CNTNAP2: variants seen among roughly 807,000 people sequenced by gnomAD.
CNTNAP2 encodes the protein contactin-associated protein-like 2.
Under a neutral mutation model 155.2 loss-of-function variants are expected in CNTNAP2, and 98 were observed. That is an observed-to-expected ratio of 0.63 (90% confidence interval 0.54 to 0.75). The LOEUF is 0.75. CNTNAP2 is among the 30% of genes least tolerant of loss of function. The pLI is 0.00. For missense variants in CNTNAP2, 1,727 were observed against 1,688.1 expected (o/e 1.02, Z -0.40); for synonymous variants, 651 against 631.2 (o/e 1.03, Z -0.47).
At chr7:146,724,513 C>T in intron 1 of CNTNAP2, among the ~76,000 whole-genome samples, 1 of 147,678 alleles carries the variant, frequency 6.8e-6, no homozygotes, top group Non-Finnish European at 1.5e-5. Context: ...GATTCCAGTT[C>T]AGTGCCTGAT....
intron 15 of CNTNAP2, among the ~76,000 whole-genome samples, chr7:148,091,536 TA>T (rs1486502840): frequency 6.6e-6 from 1 of 152,176 alleles, no homozygotes; most frequent in East Asian, 1.9e-4. Context: ...AATCATGAAT[TA>T]AAAAGGCAAT....
At chr7:146,616,631 G>A (rs185475822) in intron 1 of CNTNAP2, among the ~76,000 whole-genome samples, 3 of 152,254 alleles carry the variant, frequency 2.0e-5, no homozygotes, top group East Asian at 3.9e-4. Flanking sequence ...ATTGCTTAAT[G>A]ATCAGCTAGT....
chr7:146,507,138 A>C (rs1426656995), intron 1 of CNTNAP2, among the ~76,000 whole-genome samples: 18 of 152,204 alleles, frequency 1.2e-4, no homozygotes, highest in Non-Finnish European at 2.6e-4. Context: ...TTGCTCCCCA[A>C]CTATTGGGTA....
At chr7:147,235,872 G>A (rs771753215) in intron 8 of CNTNAP2, among the ~76,000 whole-genome samples, 1 of 152,152 alleles carries the variant, frequency 6.6e-6, no homozygotes, top group African/African-American at 2.4e-5. Context: ...TCTGTGTGTA[G>A]ATGAATAACA....
chr7:147,671,969 T>C (rs1795794789), intron 13 of CNTNAP2: 1 of 152,232 alleles, frequency 6.6e-6, no homozygotes, highest in South Asian at 2.1e-4. Context: ...AGGGATTCCG[T>C]ATCTCCTTTT....
intron 20 of CNTNAP2, among the ~76,000 whole-genome samples, chr7:148,250,180 C>T (rs1217998486): frequency 7.9e-5 from 12 of 152,226 alleles, no homozygotes; most frequent in Admixed American, 1.3e-4. Flanking sequence ...GGGCTAACCC[C>T]TCGAATCCCT....
In CNTNAP2 at chr7:148,365,538, G is replaced by A. The variant is rs988405373; in HGVS notation, c.3476-18111G>A. 3.9e-5 allele frequency among the ~76,000 whole-genome samples: 6 copies of A among 152,096 alleles called. No individual in the cohort carries two copies. The South Asian group carries it at 8.3e-4, about 21-fold the overall frequency. ...AAATTAGCCAGGCATGGTAGAATGT[G>A]CCTGTAATCCCAGCTACTTAGGAGG... On this transcript the variant is annotated intron_variant, in intron 21 of 23. Coordinates refer to ENST00000361727, the MANE Select transcript of CNTNAP2 (RefSeq NM_014141.6).
chr7:146,589,398 A>G (rs1472112419), intron 1 of CNTNAP2, among the ~76,000 whole-genome samples: 3 of 152,198 alleles, frequency 2.0e-5, no homozygotes, highest in Non-Finnish European at 2.9e-5. Context: ...GCACGTGTAC[A>G]CCATGGAATA....
At chr7:147,047,662 C>T (rs560983914) in intron 4 of CNTNAP2, among the ~76,000 whole-genome samples, 1 of 152,116 alleles carries the variant, frequency 6.6e-6, no homozygotes, top group East Asian at 1.9e-4. Context: ...TTAAGATCCA[C>T]AGGTGTAGAC....
chr7:147,949,634 G>A (rs1224427999), intron 14 of CNTNAP2, among the ~76,000 whole-genome samples: 3 of 152,036 alleles, frequency 2.0e-5, no homozygotes, highest in African/African-American at 7.2e-5. Flanking sequence ...TATTTAGCAA[G>A]AAATAGACTC....
At chr7:146,905,956 C>T (rs1051317971) in intron 3 of CNTNAP2, among the ~76,000 whole-genome samples, 15 of 152,270 alleles carry the variant, frequency 9.9e-5, no homozygotes, top group East Asian at 3.9e-4. Flanking sequence ...ACACCGTGCG[C>T]GAGCCGAAGC....
At chr7:146,520,054 A>G (rs1028488584) in intron 1 of CNTNAP2, among the ~76,000 whole-genome samples, 1 of 151,674 alleles carries the variant, frequency 6.6e-6, no homozygotes, top group Non-Finnish European at 1.5e-5. Flanking sequence ...TAAAATGAAT[A>G]CGAACCCACT....
At chr7:146,974,360 C>T (rs373058487) in intron 3 of CNTNAP2, among the ~76,000 whole-genome samples, 1 of 151,944 alleles carries the variant, frequency 6.6e-6, no homozygotes, top group East Asian at 1.9e-4. Flanking sequence ...ATCACTTGAA[C>T]CTGGGAAGAG....
At chr7:147,788,208 T>A (rs1340888932) in intron 13 of CNTNAP2, among the ~76,000 whole-genome samples, 2 of 152,222 alleles carry the variant, frequency 1.3e-5, no homozygotes, top group Non-Finnish European at 2.9e-5. Flanking sequence ...GTTTTAAACA[T>A]CTACTGGAGT....
intron 11 of CNTNAP2, among the ~76,000 whole-genome samples, chr7:147,530,302 T>C (rs73461162): frequency 0.2 from 29,815 of 151,590 alleles, 3,187 homozygotes; most frequent in Admixed American, 0.26. Flanking sequence ...TCATCAGCCT[T>C]CCAAGTAGCT....
intron 10 of CNTNAP2, among the ~76,000 whole-genome samples, chr7:147,402,283 T>A (rs759016040): frequency 6.6e-5 from 10 of 152,114 alleles, no homozygotes; most frequent in Non-Finnish European, 1.2e-4. Flanking sequence ...AGGGGTGGGA[T>A]CTGTCCCACC....
chr7:146,826,500 C>G (rs1479839698), intron 2 of CNTNAP2, among the ~76,000 whole-genome samples: 1 of 152,088 alleles, frequency 6.6e-6, no homozygotes, highest in African/African-American at 2.4e-5. Flanking sequence ...GGGAACTAAG[C>G]AAGTCCATTC....
intron 3 of CNTNAP2, among the ~76,000 whole-genome samples, chr7:146,863,764 A>AT (rs1466810115): frequency 6.6e-6 from 1 of 152,164 alleles, no homozygotes; most frequent in Non-Finnish European, 1.5e-5. Flanking sequence ...ATTTCTAAAG[A>AT]TTGAAGATAA....
At chr7:148,185,589 TA>T (rs906114311) in intron 18 of CNTNAP2, among the ~76,000 whole-genome samples, 5 of 152,224 alleles carry the variant, frequency 3.3e-5, no homozygotes, top group Admixed American at 3.3e-4. Context: ...TTCTCAGGTC[TA>T]AGCCAAATGT....
Sources: gnomAD v4.1 joint callset for allele counts (sites outside exome capture counted in the v4.1 genomes callset) on GRCh38, gnomAD v4.1.1 for gene constraint, MANE v1.5 for transcripts, NCBI Gene and HGNC (gene_info 2026-07-23, HGNC 2026-07-21) for gene names.